The following PDGFC variants were observed in gnomAD, a reference collection of about 807,000 sequenced individuals.
The protein encoded by PDGFC is platelet derived growth factor C, also known as platelet-derived growth factor C.
PDGFC carries 12 observed loss-of-function variants against 35.5 expected under a neutral mutation model. That is an observed-to-expected ratio of 0.34 (90% CI 0.22 to 0.55). The LOEUF (loss-of-function observed/expected upper bound fraction) is 0.55, where lower values mean the gene tolerates loss of function less well. PDGFC is among the 20% of genes least tolerant of loss of function. The pLI is 0.91. For synonymous variants in PDGFC, 159 were observed against 148.8 expected (o/e 1.07, Z -0.50); for missense variants, 322 against 412.4 (o/e 0.78, Z 1.90).
At chr4:156,845,189 C>T (rs1187113697) in intron 2 of PDGFC, among the ~76,000 whole-genome samples, 1 of 151,724 alleles carries the variant, frequency 6.6e-6, no homozygotes, top group Non-Finnish European at 1.5e-5. Context: ...AAATCTTGAA[C>T]TGGACCGAAA....
intron 4 of PDGFC, among the ~76,000 whole-genome samples, chr4:156,772,356 C>T (rs945983087): frequency 6.6e-6 from 1 of 152,068 alleles, no homozygotes; most frequent in African/African-American, 2.4e-5. Context: ...CCAAAATCAA[C>T]ATATTCCAAG....
chr4:156,966,216 T>C (rs1335990131), intron 1 of PDGFC, among the ~76,000 whole-genome samples: 2 of 152,174 alleles, frequency 1.3e-5, no homozygotes, highest in African/African-American at 2.4e-5. Flanking sequence ...AACATACAGA[T>C]TGTTTACAAC....
Position 156,813,090 on chromosome 4 carries a change from G to A in PDGFC, c.315-2073C>T, listed in dbSNP as rs561082232. Among the ~76,000 whole-genome samples the A allele has an allele frequency of 5.9e-5, 9 of 152,064 alleles. No homozygotes were observed. In the South Asian group the frequency reaches 1.9e-3, roughly 32 times the overall value. ...TAGGCAGTGTATGTGTGTGGTTCGGGGATGGTGGGTATAGCAGACCTAAGT... is the reference window on the plus strand; with the variant it reads ...TAGGCAGTGTATGTGTGTGGTTCGGAGATGGTGGGTATAGCAGACCTAAGT... On this transcript the variant is annotated intron_variant, in intron 2 of 5. Coordinates refer to ENST00000502773, the MANE Select transcript of PDGFC (RefSeq NM_016205.3).
intron 1 of PDGFC, among the ~76,000 whole-genome samples, chr4:156,956,788 A>G (rs879464354): frequency 2.0e-5 from 3 of 152,088 alleles, no homozygotes; most frequent in South Asian, 4.1e-4. Flanking sequence ...GTGAAGGAAT[A>G]ATATTTAAGC....
chr4:156,787,567 A>G (rs1021814473), intron 3 of PDGFC, among the ~76,000 whole-genome samples: 21 of 152,186 alleles, frequency 1.4e-4, no homozygotes, highest in Admixed American at 1.3e-4. Context: ...TGGGATCAGG[A>G]GAAGCACATA....
intron 4 of PDGFC, among the ~76,000 whole-genome samples, chr4:156,772,233 C>A (rs1730710641): frequency 6.6e-6 from 1 of 152,046 alleles, no homozygotes; most frequent in South Asian, 2.1e-4. Context: ...TTAGAAAATG[C>A]AAAGTCATAT....
chr4:156,789,947 A>C (rs928670306), intron 3 of PDGFC, among the ~76,000 whole-genome samples: 3 of 137,960 alleles, frequency 2.2e-5, no homozygotes, highest in Non-Finnish European at 4.6e-5. Context: ...ACGGTACTCC[A>C]GCCTGGATGA....
At chr4:156,914,043 A>C (rs1731102485) in intron 1 of PDGFC, among the ~76,000 whole-genome samples, 1 of 151,922 alleles carries the variant, frequency 6.6e-6, no homozygotes, top group Non-Finnish European at 1.5e-5. Context: ...TTGATGGAAA[A>C]ACATCACTAG....
At chr4:156,876,095 C>G (rs1730110452) in intron 1 of PDGFC, among the ~76,000 whole-genome samples, 1 of 152,068 alleles carries the variant, frequency 6.6e-6, no homozygotes, top group African/African-American at 2.4e-5. Context: ...CAAATACTTT[C>G]TTGTATTGAA....
At chr4:156,815,363 C>T (rs888224862) in intron 2 of PDGFC, among the ~76,000 whole-genome samples, 7 of 146,136 alleles carry the variant, frequency 4.8e-5, no homozygotes, top group Admixed American at 4.1e-4. Context: ...CACACACACA[C>T]ACACCCCGTT....
In PDGFC at chr4:156,971,212, A is replaced by C. The variant is rs1486996894; in HGVS notation, c.-309T>G. ...TGGGGGTGAAGGCGAGGGAGGAATG[A>C]GGGGGTGGGGACGCGGGGGAGCGGC... is the stretch of plus-strand genomic sequence containing the variant. On this transcript the variant is annotated 5_prime_UTR_variant, in exon 1 of 6. Coordinates refer to ENST00000502773, the MANE Select transcript of PDGFC (RefSeq NM_016205.3). 4.5e-5 allele frequency: 1 copy of C among 22,454 alleles called. No individual in the cohort carries two copies. Among genetic ancestry groups the C allele is most frequent in the Non-Finnish European group, 7.7e-5 (1 of 12,942 alleles). 1.4% of individuals were successfully genotyped at this position (22,454 alleles called of 1,614,324 possible).
At chr4:156,912,298 A>C (rs766932140) in intron 1 of PDGFC, among the ~76,000 whole-genome samples, 1 of 152,332 alleles carries the variant, frequency 6.6e-6, no homozygotes, top group African/African-American at 2.4e-5. Flanking sequence ...TGGTAAACTC[A>C]TGGACAGAAA....
At chr4:156,772,982 C>T in intron 3 of PDGFC, 89 bp from the exon 4 acceptor site, 1 of 842,290 alleles carries the variant, frequency 1.2e-6, no homozygotes, top group Non-Finnish European at 2.0e-6. Context: ...AAGACTGAGG[C>T]TGGAAATATG....
intron 1 of PDGFC, among the ~76,000 whole-genome samples, chr4:156,942,094 G>T (rs1731821567): frequency 6.6e-6 from 1 of 151,916 alleles, no homozygotes; most frequent in Non-Finnish European, 1.5e-5. Flanking sequence ...TAGCCCTGTG[G>T]TCTGCCTAAA....
chr4:156,778,219 A>ATAC (rs1560807460), intron 3 of PDGFC: 1 of 390,298 alleles, frequency 2.6e-6, no homozygotes, highest in Non-Finnish European at 5.4e-6. Flanking sequence ...GAAGCCAAGT[A>ATAC]TACTGCATCA....
intron 2 of PDGFC, among the ~76,000 whole-genome samples, chr4:156,811,449 T>C (rs551816377): frequency 6.6e-6 from 1 of 152,188 alleles, no homozygotes; most frequent in East Asian, 1.9e-4. Flanking sequence ...TCTTTCCTCA[T>C]CTGTGATGCA....
At chr4:156,818,253 G>GT (rs1464273170) in intron 2 of PDGFC, among the ~76,000 whole-genome samples, 1 of 151,580 alleles carries the variant, frequency 6.6e-6, no homozygotes, top group Non-Finnish European at 1.5e-5. Flanking sequence ...CAGATACCGC[G>GT]TTTTTTACAA....
intron 2 of PDGFC, among the ~76,000 whole-genome samples, chr4:156,818,379 G>C (rs149643413): frequency 6.6e-6 from 1 of 151,900 alleles, no homozygotes; most frequent in Non-Finnish European, 1.5e-5. Context: ...CAGCAATGGA[G>C]CTGTTTTGCC....
chr4:156,898,945 C>A (rs1325492698), intron 1 of PDGFC, among the ~76,000 whole-genome samples: 1 of 152,230 alleles, frequency 6.6e-6, no homozygotes, highest in Non-Finnish European at 1.5e-5. Context: ...GCATGAGTCA[C>A]TGAGCCCAGC....
Sources: allele counts gnomAD v4.1 joint callset (sites outside exome capture counted in the v4.1 genomes callset), GRCh38; gene constraint gnomAD v4.1.1; transcripts MANE v1.5; gene names NCBI Gene and HGNC (gene_info 2026-07-23, HGNC 2026-07-21).